The following SLA variants were observed in gnomAD, a reference collection of about 807,000 sequenced individuals.
SLA encodes the protein Src like adaptor.
In SLA, 16 loss-of-function variants were observed where a neutral mutation model predicts 30.3. The ratio of observed to expected loss-of-function variants is 0.53; its 90% confidence interval spans 0.36 to 0.80. SLA has a LOEUF of 0.80. Among genes scored for constraint, SLA ranks in the 30% least tolerant of loss-of-function variants. SLA has a pLI of 0.01. For missense variants in SLA, 310 were observed against 345.2 expected (o/e 0.90, Z 0.81); for synonymous variants, 143 against 137.8 (o/e 1.04, Z -0.26).
At chr8:133,094,929 G>A in intron 1 of SLA, 2 of 1,442,406 alleles carry the variant, frequency 1.4e-6, no homozygotes, top group South Asian at 2.3e-5. Context: ...ATGGGTCCTG[G>A]GACTCCCAAG....
chr8:133,098,802 GAGGGTAGCCC>G (rs1848823123), intron 1 of SLA, among the ~76,000 whole-genome samples: 1 of 152,174 alleles, frequency 6.6e-6, no homozygotes, highest in African/African-American at 2.4e-5. Context: ...ATGGTGTTCA[GAGGGTAGCCC>G]AGGCTCATGT....
intron 2 of SLA, 103 bp from the exon 3 acceptor site, chr8:133,060,303 TTGC>T: frequency 6.4e-7 from 1 of 1,569,854 alleles, no homozygotes; most frequent in Non-Finnish European, 8.6e-7. Flanking sequence ...TTCTGGCAGC[TTGC>T]TTCTTGAAAG....
intron 1 of SLA, among the ~76,000 whole-genome samples, chr8:133,080,811 C>T (rs748848085): frequency 1.3e-4 from 20 of 152,188 alleles, no homozygotes; most frequent in Non-Finnish European, 2.9e-4. Flanking sequence ...TGTGTGGATG[C>T]CTTTCCCCCT....
chr8:133,073,830 G>A (rs548251133), intron 2 of SLA, among the ~76,000 whole-genome samples: 1 of 152,186 alleles, frequency 6.6e-6, no homozygotes, highest in South Asian at 2.1e-4. Context: ...CCAGCTCCGT[G>A]ACTTGGACAA....
At position 133,036,929 on chromosome 8, in the gene SLA, A is replaced by G. The variant is rs926235127; in HGVS notation, c.*1595T>C. 2 of 152,422 alleles carry G rather than the reference A, an allele frequency of 1.3e-5. No individual in the cohort carries two copies. The highest frequency in any genetic ancestry group is 4.8e-5 in the African/African-American group (2 of 41,440). 9.4% of individuals were successfully genotyped at this position (152,422 alleles called of 1,614,324 possible). ...GTCACCCTGCCTTATGCGGGAAGTC[A>G]ATGTCCACAGTGTTACATTCATTTC... On this transcript the variant is annotated 3_prime_UTR_variant, in exon 9 of 9. Coordinates refer to ENST00000338087, the MANE Select transcript of SLA (RefSeq NM_001045556.3).
chr8:133,060,029 C>T (rs1386653170), intron 3 of SLA, 71 bp downstream of exon 3: 24 of 1,473,472 alleles, frequency 1.6e-5, no homozygotes, highest in Non-Finnish European at 2.1e-5. Flanking sequence ...CCGGCATCCA[C>T]CACCGCCCAG....
intron 7 of SLA, among the ~76,000 whole-genome samples, chr8:133,042,153 A>G (rs1838379934): frequency 6.6e-6 from 1 of 152,154 alleles, no homozygotes; most frequent in South Asian, 2.1e-4. Context: ...TAACTTACTC[A>G]GGGCCGTAGA....
intron 2 of SLA, among the ~76,000 whole-genome samples, chr8:133,062,887 A>G (rs946381050): frequency 2.0e-5 from 3 of 152,082 alleles, no homozygotes; most frequent in African/African-American, 7.2e-5. Flanking sequence ...TGACATGCAC[A>G]GGCTGCTCTG....
intron 2 of SLA, among the ~76,000 whole-genome samples, chr8:133,069,614 A>G (rs1363053242): frequency 1.3e-5 from 2 of 152,264 alleles, no homozygotes; most frequent in African/African-American, 4.8e-5. Flanking sequence ...CTACTGGACT[A>G]TAAGTGCCTT....
rs947742156 is a variant in SLA, at chr8:133,038,252, G to C, written c.*272C>G. 4.3e-5 allele frequency: 21 copies of C among 486,342 alleles called. No homozygotes were observed. In the Admixed American group the frequency reaches 5.0e-4, roughly 12 times the overall value. The allele number at this position is 486,342 out of a possible 1,614,324, so 30.1% of individuals were successfully genotyped here. On this transcript the variant is annotated 3_prime_UTR_variant, in exon 9 of 9. Transcript: ENST00000338087. ...TGTCCTTCCCACACACACAATGTGTGCATACATACATGCTGGGCTCTTCCA... is the reference window on the plus strand; with the variant it reads ...TGTCCTTCCCACACACACAATGTGTCCATACATACATGCTGGGCTCTTCCA...
At position 133,040,531 on chromosome 8, in the gene SLA, C is replaced by T. The variant is rs144529752; in HGVS notation, c.485-401G>A. Among the ~76,000 whole-genome samples the T allele has an allele frequency of 1.5e-3, 235 of 152,306 alleles. 3 individuals are homozygous for T. Among genetic ancestry groups the T allele is most frequent in the Admixed American group, 0.013 (196 of 15,306 alleles). ...GAAGCCGCAGCCTTCCAGGGTTTCC[C>T]GCAAATGCCCAATCCATTAACCTCA... is the stretch of plus-strand genomic sequence containing the variant. On this transcript the variant is annotated intron_variant, in intron 7 of 8. Transcript: ENST00000338087.
rs781127321 is a variant in SLA at position 133,047,918 on chromosome 8, G to T, written c.264C>A (p.Gly88=). The T allele has an allele frequency of 5.0e-6, 8 of 1,608,908 alleles. 1 individual carries two copies. The highest frequency in any genetic ancestry group is 4.2e-6 in the Non-Finnish European group (5 of 1,176,700). ...GCTCCTCGGCCTTGTCTCTGCCCAG[G>T]CCCTCAAACAGCCAGCTGGGAAGGA... ...ARVYHGWLFE[G]LGRDKAEELL... Residue 88 remains glycine (G), a synonymous_variant, in exon 6 of 9, where the codon GGC becomes GGA. Coordinates refer to ENST00000338087, the MANE Select transcript of SLA (RefSeq NM_001045556.3).
intron 5 of SLA, 135 bp from the exon 6 acceptor site, chr8:133,048,068 C>G: frequency 3.3e-6 from 2 of 602,656 alleles, no homozygotes; most frequent in Non-Finnish European, 3.0e-6. Flanking sequence ...AGCATCATCT[C>G]TCTTCCACAG....
At chr8:133,046,434 C>T (rs1218108745) in intron 6 of SLA, 1 of 152,278 alleles carries the variant, frequency 6.6e-6, no homozygotes, top group Non-Finnish European at 1.5e-5. Context: ...TCACAGTGCT[C>T]TAGGCCTGCC....
At chr8:133,058,531 C>T (rs2702966) in intron 3 of SLA, among the ~76,000 whole-genome samples, 2,367 of 152,316 alleles carry the variant, frequency 0.016, 57 homozygotes, top group African/African-American at 0.05. Flanking sequence ...TGAGAGGTGA[C>T]GACCCAAGAT....
intron 3 of SLA, among the ~76,000 whole-genome samples, chr8:133,059,866 C>G: frequency 6.6e-6 from 1 of 152,206 alleles, no homozygotes; most frequent in East Asian, 1.9e-4. Flanking sequence ...TCTTGGAGAT[C>G]CATCTCAAAA....
intron 6 of SLA, among the ~76,000 whole-genome samples, chr8:133,045,355 G>C (rs1168796142): frequency 2.0e-5 from 3 of 149,896 alleles, no homozygotes; most frequent in African/African-American, 7.4e-5. Flanking sequence ...GGTCCTTACA[G>C]GTTTTCAGGA....
intron 3 of SLA, among the ~76,000 whole-genome samples, chr8:133,058,027 C>T (rs774694480): frequency 5.3e-5 from 8 of 152,126 alleles, no homozygotes; most frequent in Non-Finnish European, 1.0e-4. Flanking sequence ...AGACCTGCAC[C>T]GTCTCCTAGG....
intron 2 of SLA, among the ~76,000 whole-genome samples, chr8:133,074,056 C>G (rs188491697): frequency 1.1e-4 from 16 of 152,256 alleles, no homozygotes; most frequent in Non-Finnish European, 1.5e-4. Context: ...TCTTTGACAC[C>G]AGGCTCTCTC....
Sources: allele counts gnomAD v4.1 joint callset (sites outside exome capture counted in the v4.1 genomes callset), GRCh38; gene constraint gnomAD v4.1.1; transcripts MANE v1.5; gene names NCBI Gene and HGNC (gene_info 2026-07-23, HGNC 2026-07-21).